IL9R: variants seen among roughly 807,000 people sequenced by gnomAD.
The protein encoded by IL9R is interleukin-9 receptor.
IL9R carries 54 observed loss-of-function variants against 56.3 expected under a neutral mutation model. The observed-to-expected ratio is 0.96, with a 90% CI of 0.77 to 1.20. The LOEUF (loss-of-function observed/expected upper bound fraction) is 1.20, where lower values mean the gene tolerates loss of function less well. Ranked by LOEUF, IL9R falls within the 50% of genes most tolerant of loss-of-function variation. IL9R has a pLI of 0.00. For synonymous variants in IL9R, 212 were observed against 250.2 expected (o/e 0.85, Z 1.44); for missense variants, 545 against 629.8 (o/e 0.87, Z 1.44).
intron 1 of IL9R, among the ~76,000 whole-genome samples, chrX:155,998,802 G>A (rs1248342531): frequency 1.3e-5 from 2 of 152,058 alleles, no homozygotes; most frequent in East Asian, 3.9e-4. Context: ...GCCTCCAGGA[G>A]CCTCATGTAG....
chrX:156,005,582 T>C (rs1220278048), intron 6 of IL9R, 103 bp downstream of exon 6: 1 of 969,604 alleles, frequency 1.0e-6, no homozygotes, highest in Non-Finnish European at 1.6e-6. Context: ...TGTAAGCCCC[T>C]CCCCGAGGCA....
chrX:156,001,712 C>T (rs2067543291), intron 1 of IL9R, among the ~76,000 whole-genome samples: 1 of 152,104 alleles, frequency 6.6e-6, no homozygotes, highest in Non-Finnish European at 1.5e-5. Flanking sequence ...GCTGGCCCTG[C>T]TTCCTGCCTA....
Position 156,003,764 on chromosome X carries a change from A to T in IL9R, c.342A>T (p.Pro114=), listed in dbSNP as rs368482231. The change falls in exon 4 of 9, where the codon CCA becomes CCT. Residue 114 remains proline (P), a synonymous_variant. Transcript: ENST00000244174. The part of the protein sequence containing the change: ...VVLPPEAVLV[P]SDNFTITFHH... ...TGCCACCTGAGGCAGTGCTCGTGCC[A>T]TCTGACAATTTCACCATCACTTTCC... The T allele has an allele frequency of 6.2e-7, 1 of 1,613,880 alleles. No homozygotes were observed. Among genetic ancestry groups the T allele is most frequent in the Admixed American group, 1.7e-5 (1 of 60,006 alleles).
intron 8 of IL9R, among the ~76,000 whole-genome samples, chrX:156,008,961 TTA>T (rs1474718840): frequency 9.9e-4 from 114 of 114,750 alleles, no homozygotes; most frequent in Middle Eastern, 0.011. Flanking sequence ...GTGTGTGTGT[TTA>T]TGTGTGTGTG....
intron 1 of IL9R, among the ~76,000 whole-genome samples, chrX:156,000,145 A>AAAAATATATAT (rs780163667): frequency 2.8e-5 from 4 of 144,254 alleles, no homozygotes; most frequent in African/African-American, 1.1e-4. Flanking sequence ...AAAAAAAAAA[A>AAAAATATATAT]ATATATATAT....
chrX:156,005,068 G>C (rs1218877313), intron 5 of IL9R, among the ~76,000 whole-genome samples: 1 of 152,096 alleles, frequency 6.6e-6, no homozygotes, highest in African/African-American at 2.4e-5. Context: ...GTGTGCATAT[G>C]TGTATTTGTG....
intron 5 of IL9R, 62 bp from the exon 6 acceptor site, chrX:156,005,216 T>C (rs2067837233): frequency 4.5e-6 from 6 of 1,326,530 alleles, no homozygotes; most frequent in Non-Finnish European, 6.5e-6. Flanking sequence ...ATGTGTGTAT[T>C]CTCGAGGGCT....
rs3093503 is a variant in IL9R, at chrX:156,004,775, G to C, written c.579+210G>C. 5.8e-3 allele frequency among the ~76,000 whole-genome samples: 882 copies of C among 152,302 alleles called. 10 individuals carry two copies. The highest frequency in any genetic ancestry group is 0.02 in the African/African-American group (849 of 41,560). ...GTAGGGTGAGTGCGCCTGTGTCTCT[G>C]TGTGTGCACATAAGTGTGGTGAGTG... On this transcript the variant is annotated intron_variant, in intron 5 of 8. Transcript: ENST00000244174.
chrX:156,002,057 T>C (rs761365779), intron 1 of IL9R, among the ~76,000 whole-genome samples: 2 of 54,168 alleles, frequency 3.7e-5, no homozygotes, highest in African/African-American at 1.6e-4. Flanking sequence ...AGAGAATGCA[T>C]AGAGGCTGGG....
chrX:156,001,980 C>T (rs1309465288), intron 1 of IL9R, among the ~76,000 whole-genome samples: 1 of 152,168 alleles, frequency 6.6e-6, no homozygotes, highest in Non-Finnish European at 1.5e-5. Flanking sequence ...TACCCTGCTG[C>T]CACCCTCGTC....
intron 1 of IL9R, among the ~76,000 whole-genome samples, chrX:155,999,476 C>T (rs1232537470): frequency 1.3e-5 from 2 of 152,110 alleles, no homozygotes; most frequent in Non-Finnish European, 2.9e-5. Flanking sequence ...CTGTACTTGC[C>T]TCCAGCTGGC....
Position 156,006,157 on chromosome X carries a change from C to T in IL9R, c.856C>T (p.Pro286Ser). Residue 286 changes from proline (P) to serine (S), a missense_variant, in exon 7 of 9, where the codon CCG becomes TCG. Physicochemically the swap from Pro to Ser is moderately conservative, Grantham distance 74 (BLOSUM62 -1). Coordinates refer to ENST00000244174, the MANE Select transcript of IL9R (RefSeq NM_002186.3). ...AVSIFLLLTG[P>S]TYLLFKLSPR... is the part of the protein sequence containing the mutation. ...GTCCATCTTTCTCCTGCTGACTGGC[C>T]CGACCTACCTCCTGTTCAAGCTGTC... The T allele has an allele frequency of 6.8e-7, 1 of 1,468,528 alleles. No individual in the cohort carries two copies. Among genetic ancestry groups the T allele is most frequent in the Middle Eastern group, 2.4e-4 (1 of 4,124 alleles). 91.0% of individuals were successfully genotyped at this position (1,468,528 alleles called of 1,614,324 possible). A position where few individuals can be genotyped will look rare whatever the true frequency, so the allele number is the denominator to read the frequency against.
intron 1 of IL9R, among the ~76,000 whole-genome samples, chrX:156,002,302 A>T (rs756279996): frequency 1.3e-5 from 2 of 152,228 alleles, no homozygotes; most frequent in South Asian, 4.2e-4. Context: ...GTGAGCCAAG[A>T]TCACACCACT....
intron 1 of IL9R, 23 bp from the exon 2 acceptor site, chrX:156,002,883 G>T (rs1180929709): frequency 6.2e-7 from 1 of 1,613,506 alleles, no homozygotes; most frequent in South Asian, 1.1e-5. Flanking sequence ...TTTGCACAGG[G>T]CCCTCAGCCC....
chrX:156,009,308 G>C (rs1399834163), intron 8 of IL9R, among the ~76,000 whole-genome samples: 15 of 146,058 alleles, frequency 1.0e-4, no homozygotes, highest in African/African-American at 3.9e-4. Context: ...ATGTGTGTGT[G>C]TCTGTGTGTG....
chrX:156,005,167 CA>C, intron 5 of IL9R, 110 bp from the exon 6 acceptor site: 1 of 808,722 alleles, frequency 1.2e-6, no homozygotes, highest in Non-Finnish European at 2.1e-6. Context: ...TGTGTTAACA[CA>C]AGTGTGTTCA....
At chrX:156,012,802 GGCAA>G (rs1354317849), downstream of IL9R, among the ~76,000 whole-genome samples, 72 of 79,750 alleles carry the variant, frequency 9.0e-4, no homozygotes, top group African/African-American at 4.0e-3. Context: ...CCCTTTCCAT[GGCAA>G]TGACCTGAAA....
In IL9R at chrX:156,003,664, A is replaced by G; in HGVS notation, c.255-13A>G. The G allele has an allele frequency of 6.2e-7, 1 of 1,612,606 alleles. No individual in the cohort carries two copies. The highest frequency in any genetic ancestry group is 2.2e-5 in the East Asian group (1 of 44,848). ...TGTAGCAGCCCCGTGGTGCTGACAAATGCCCTTTCCAGCAACCAGGCTCCT... is the reference window on the plus strand; with the variant it reads ...TGTAGCAGCCCCGTGGTGCTGACAAGTGCCCTTTCCAGCAACCAGGCTCCT... On this transcript the variant is annotated splice_polypyrimidine_tract_variant and intron_variant, in intron 3 of 8. Transcript: ENST00000244174.
intron 8 of IL9R, among the ~76,000 whole-genome samples, chrX:156,009,234 TTC>T (rs1415840907): frequency 5.9e-4 from 1 of 1,690 alleles, no homozygotes; most frequent in Non-Finnish European, 1.2e-3. Context: ...TCTGTGTGTG[TTC>T]GTGTGGTGTG....
Sources: allele counts gnomAD v4.1 joint callset (sites outside exome capture counted in the v4.1 genomes callset), GRCh38; gene constraint gnomAD v4.1.1; transcripts MANE v1.5; gene names NCBI Gene and HGNC (gene_info 2026-07-23, HGNC 2026-07-21).